TXNRD2: variants seen among roughly 807,000 people sequenced by gnomAD.
The protein encoded by TXNRD2 is thioredoxin reductase 2.
TXNRD2 carries 67 observed loss-of-function variants against 70.8 expected under a neutral mutation model. That is an observed-to-expected ratio of 0.95 (90% CI 0.78 to 1.16). TXNRD2 has a LOEUF of 1.16. Among genes scored for constraint, TXNRD2 ranks in the 50% most tolerant of loss-of-function variants. The probability of loss-of-function intolerance (pLI) is 0.00; values close to 1 mark genes in which losing one functional copy is unlikely to be tolerated. For missense variants in TXNRD2, 644 were observed against 719.9 expected (o/e 0.89, Z 1.21); for synonymous variants, 301 against 295.8 (o/e 1.02, Z -0.18).
chr22:19,941,770 C>T lies in TXNRD2; in HGVS notation c.34G>A (p.Gly12Arg). 4 of 1,523,800 alleles carry T rather than the reference C, an allele frequency of 2.6e-6. No homozygotes were observed. The highest frequency in any genetic ancestry group is 2.4e-5 in the South Asian group (2 of 82,142). 94.4% of individuals were successfully genotyped at this position (1,523,800 alleles called of 1,614,324 possible). A position where few individuals can be genotyped will look rare whatever the true frequency, so the allele number is the denominator to read the frequency against. ...TGCGTCCGCCACCGGAAGCGCCCTC[C>T]TAATCCCCGCAGCGCCACCGCCATT... ...AAMAVALRGL[G>R]GRFRWRTQAV... Residue 12 changes from glycine (G) to arginine (R), a missense_variant, in exon 1 of 18, where the codon GGA becomes AGA. By Grantham distance (125) the Gly-to-Arg change is moderately radical. Coordinates refer to ENST00000400521, the MANE Select transcript of TXNRD2 (RefSeq NM_006440.5).
chr22:19,914,912 G>A (rs1444013199), intron 7 of TXNRD2: 3 of 428,326 alleles, frequency 7.0e-6, no homozygotes, highest in Admixed American at 3.6e-5. Flanking sequence ...GGGAAAAGGG[G>A]GAATCAGCAA....
At chr22:19,925,481 AT>A (rs1383677104) in intron 2 of TXNRD2, among the ~76,000 whole-genome samples, 4 of 151,888 alleles carry the variant, frequency 2.6e-5, no homozygotes, top group Non-Finnish European at 5.9e-5. Flanking sequence ...CAGAAATACA[AT>A]GGGTGAGTAT....
chr22:19,908,202 G>A (rs1183308859), intron 8 of TXNRD2, among the ~76,000 whole-genome samples: 3 of 150,958 alleles, frequency 2.0e-5, no homozygotes, highest in African/African-American at 4.9e-5. Context: ...GAGTGTGGGC[G>A]CCATGGGTAG....
At position 19,908,802 on chromosome 22, in the gene TXNRD2, G is replaced by A. The variant is rs58936070; in HGVS notation, c.662+2575C>T. On this transcript the variant is annotated intron_variant, in intron 8 of 17. Transcript: ENST00000400521. Reference sequence around the variant, plus strand: ...ATGGAATATTACTCAGTCTTAAAAAGAAGGAAATGCAGATACAACATGGAT... The same window carrying A: ...ATGGAATATTACTCAGTCTTAAAAAAAAGGAAATGCAGATACAACATGGAT... Among the ~76,000 whole-genome samples the A allele has an allele frequency of 2.4e-3, 361 of 152,338 alleles. 6 individuals are homozygous for A. Among genetic ancestry groups the A allele is most frequent in the Non-Finnish European group, 2.1e-4 (14 of 68,036 alleles).
At chr22:19,895,138 C>G in intron 11 of TXNRD2, 1 of 1,598,478 alleles carries the variant, frequency 6.3e-7, no homozygotes, top group Non-Finnish European at 8.5e-7. Context: ...CCGTCTCAGT[C>G]TCTTCTCTGG....
intron 8 of TXNRD2, 76 bp from the exon 9 acceptor site, chr22:19,899,144 G>A (rs761091226): frequency 2.8e-5 from 44 of 1,587,022 alleles, no homozygotes; most frequent in South Asian, 1.7e-4. Flanking sequence ...GCAGAACCCC[G>A]CAGCCTTTGC....
rs572735871 is a variant in TXNRD2 at position 19,877,163 on chromosome 22, T to C, written c.1517A>G (p.Lys506Arg). The change falls in exon 17 of 18, where the codon AAG becomes AGG. Residue 506 changes from lysine (K) to arginine (R), a missense_variant. This residue lies in a region of TXNRD2 where 566 missense variants were observed against 645.0 expected (regional missense o/e 0.88). Coordinates refer to ENST00000400521, the MANE Select transcript of TXNRD2 (RefSeq NM_006440.5). ...GCCTGAGCGCTTGGAGATGCGCAGC[T>C]TGACTACCTCCTCAGAGCATGTGGG... ...IHPTCSEEVV[K>R]LRISKRSGLD... 7.5e-6 allele frequency: 12 copies of C among 1,610,440 alleles called. No homozygotes were observed. The South Asian group carries it at 9.9e-5, about 13-fold the overall frequency.
At chr22:19,924,771 G>T (rs1941056689) in intron 2 of TXNRD2, among the ~76,000 whole-genome samples, 1 of 152,148 alleles carries the variant, frequency 6.6e-6, no homozygotes, top group African/African-American at 2.4e-5. Context: ...GCATCAGTAG[G>T]TTGTGGGGAA....
At chr22:19,894,479 G>C (rs1397442037) in intron 11 of TXNRD2, 1 of 152,608 alleles carries the variant, frequency 6.6e-6, no homozygotes, top group South Asian at 2.1e-4. Context: ...CAACAAACTA[G>C]CTTGGCTGGG....
intron 8 of TXNRD2, among the ~76,000 whole-genome samples, chr22:19,900,315 C>T (rs1204006255): frequency 6.6e-6 from 1 of 152,300 alleles, no homozygotes; most frequent in African/African-American, 2.4e-5. Flanking sequence ...ACAGGCACCA[C>T]GGTATGCACG....
intron 8 of TXNRD2, among the ~76,000 whole-genome samples, chr22:19,900,383 C>T (rs559651067): frequency 3.3e-5 from 5 of 152,342 alleles, no homozygotes; most frequent in African/African-American, 1.2e-4. Flanking sequence ...CACGGAAGTG[C>T]ACTTCCAAAA....
rs188558415 is a variant in TXNRD2, at chr22:19,930,061, C to T, written c.172+969G>A. Among the ~76,000 whole-genome samples, 4 of 152,270 alleles carry T rather than the reference C, an allele frequency of 2.6e-5. No homozygotes were observed. The East Asian group carries it at 5.8e-4, about 22-fold the overall frequency. On this transcript the variant is annotated intron_variant, in intron 2 of 17. Coordinates refer to ENST00000400521, the MANE Select transcript of TXNRD2 (RefSeq NM_006440.5). ...CAGCACTAGGCCTCGTGGCTGCCTG[C>T]GCCATCGTTTCTGGGAGTGGTTCTG...
intron 1 of TXNRD2, among the ~76,000 whole-genome samples, chr22:19,934,516 T>C (rs1014345974): frequency 1.3e-5 from 2 of 151,964 alleles, no homozygotes; most frequent in Non-Finnish European, 2.9e-5. Flanking sequence ...GAAGATTTCA[T>C]TTCAATATGA....
chr22:19,920,342 C>T (rs1940850569), intron 2 of TXNRD2, among the ~76,000 whole-genome samples: 1 of 152,194 alleles, frequency 6.6e-6, no homozygotes, highest in South Asian at 2.1e-4. Flanking sequence ...CTTTGGGAGG[C>T]TGAGGAAGGT....
chr22:19,927,608 T>C (rs868250131), intron 2 of TXNRD2, among the ~76,000 whole-genome samples: 1 of 138,866 alleles, frequency 7.2e-6, no homozygotes, highest in Middle Eastern at 3.9e-3. Context: ...GAGCCGAGAT[T>C]GCACCATTTA....
chr22:19,917,155 C>T (rs1032502761), intron 5 of TXNRD2, among the ~76,000 whole-genome samples: 2 of 152,192 alleles, frequency 1.3e-5, no homozygotes, highest in African/African-American at 2.4e-5. Flanking sequence ...AGCCCAGGTG[C>T]GCCCCAGCCT....
rs1185366931 is a variant in TXNRD2 at position 19,881,367 on chromosome 22, TCCAGCAGG to T, written c.1087-658_1087-651del. 7 of 315,394 alleles carry T rather than the reference TCCAGCAGG, an allele frequency of 2.2e-5. No homozygotes were observed. In the Admixed American group the frequency reaches 3.5e-4, roughly 16 times the overall value. The allele number at this position is 315,394 out of a possible 1,614,324, so 19.5% of individuals were successfully genotyped here. A position where few individuals can be genotyped will look rare whatever the true frequency, so the allele number is the denominator to read the frequency against. On this transcript the variant is annotated intron_variant, in intron 12 of 17. Transcript: ENST00000400521. ...TAAACTCAGAGCGCAGCCTGCGCAT[TCCAGCAGG>T]CCTGACTAACTACGGAAACATCCCG...
intron 2 of TXNRD2, among the ~76,000 whole-genome samples, chr22:19,927,125 C>T (rs972365843): frequency 2.6e-5 from 4 of 151,860 alleles, no homozygotes; most frequent in Non-Finnish European, 5.9e-5. Context: ...GAAACCCCGT[C>T]TCTACTAAAA....
At position 19,891,983 on chromosome 22, in the gene TXNRD2, C is replaced by T. The variant is rs376995183; in HGVS notation, c.949+3424G>A. Among the ~76,000 whole-genome samples the T allele has an allele frequency of 2.8e-4, 43 of 152,354 alleles. No individual in the cohort carries two copies. The East Asian group carries it at 3.5e-3, about 12-fold the overall frequency. On this transcript the variant is annotated intron_variant, in intron 11 of 17. Coordinates refer to ENST00000400521, the MANE Select transcript of TXNRD2 (RefSeq NM_006440.5). ...GGCCAGGCGCCAGGCACACGGGCAACGGGCAGGGCCAGCACTCGGCCCCAC... is the reference window on the plus strand; with the variant it reads ...GGCCAGGCGCCAGGCACACGGGCAATGGGCAGGGCCAGCACTCGGCCCCAC...
Sources: gnomAD v4.1 joint callset for allele counts (sites outside exome capture counted in the v4.1 genomes callset) on GRCh38, gnomAD v4.1.1 for gene constraint, gnomAD v4.1.1 regional missense constraint, MANE v1.5 for transcripts, NCBI Gene and HGNC (gene_info 2026-07-23, HGNC 2026-07-21) for gene names.